The following ADD3 variants were observed in gnomAD, a reference collection of about 807,000 sequenced individuals.
ADD3 encodes the protein adducin 3.
In ADD3, 25 loss-of-function variants were observed where a neutral mutation model predicts 80.2. The observed-to-expected ratio is 0.31, with a 90% confidence interval of 0.23 to 0.44. ADD3 has a LOEUF of 0.44. Ranked by LOEUF, ADD3 falls within the 20% of genes least tolerant of loss-of-function variation. The pLI is 1.00. For missense variants in ADD3, 829 were observed against 847.5 expected, an observed-to-expected ratio of 0.98 and a Z score of 0.27; for synonymous variants, 284 against 289.6, an observed-to-expected ratio of 0.98 and a Z score of 0.20.
chr10:110,051,811 A>G (rs951383920), intron 1 of ADD3, among the ~76,000 whole-genome samples: 3 of 152,130 alleles, frequency 2.0e-5, no homozygotes, highest in Non-Finnish European at 4.4e-5. Flanking sequence ...TTATTTATTT[A>G]CTTATTTTTG....
Position 110,079,457 on chromosome 10 carries a change from AGAGAGTGTGT to A in ADD3, c.-29-21166_-29-21157del, listed in dbSNP as rs1178938755. On this transcript the variant is annotated intron_variant, in intron 1 of 14. Transcript: ENST00000356080. ...GAGAGAGAGAGAGAGAGAGAGAGAG[AGAGAGTGTGT>A]GTGTGTGTGTGTGTGTGTGTGTGTG... 5.8e-3 allele frequency among the ~76,000 whole-genome samples: 703 copies of A among 121,084 alleles called. 6 individuals carry two copies. The highest frequency in any genetic ancestry group is 0.021 in the African/African-American group (560 of 26,226). 79.4% of individuals were successfully genotyped at this position (121,084 alleles called of 152,430 possible).
intron 1 of ADD3, among the ~76,000 whole-genome samples, chr10:110,066,808 T>C (rs1384438339): frequency 6.6e-6 from 1 of 152,240 alleles, no homozygotes; most frequent in East Asian, 1.9e-4. Flanking sequence ...TATAATTGTC[T>C]AGAATTTTTT....
At chr10:110,013,472 G>A (rs1852568017) in intron 1 of ADD3, among the ~76,000 whole-genome samples, 1 of 152,122 alleles carries the variant, frequency 6.6e-6, no homozygotes, top group Non-Finnish European at 1.5e-5. Context: ...AATTTCCATA[G>A]GATAAACATT....
At chr10:110,009,716 T>C (rs1285046314) in intron 1 of ADD3, among the ~76,000 whole-genome samples, 1 of 152,234 alleles carries the variant, frequency 6.6e-6, no homozygotes, top group African/African-American at 2.4e-5. Context: ...ATTTAACTCT[T>C]CATCTTTCTG....
At chr10:110,061,360 T>G (rs1323721830) in intron 1 of ADD3, among the ~76,000 whole-genome samples, 1 of 152,128 alleles carries the variant, frequency 6.6e-6, no homozygotes, top group African/African-American at 2.4e-5. Flanking sequence ...AGTCTTTTTT[T>G]TGGGTGGAGT....
At chr10:110,127,621 A>G (rs892017713) in intron 12 of ADD3, among the ~76,000 whole-genome samples, 1 of 152,246 alleles carries the variant, frequency 6.6e-6, no homozygotes, top group African/African-American at 2.4e-5. Flanking sequence ...GTCTCAAAAA[A>G]TAAGAATAAC....
chr10:110,100,909 T>G, intron 2 of ADD3, 61 bp downstream of exon 2: 2 of 1,455,264 alleles, frequency 1.4e-6, no homozygotes, highest in Non-Finnish European at 1.8e-6. Context: ...TATAATAAGG[T>G]AGAAGTTTTC....
chr10:110,093,660 C>CA (rs1165047275), intron 1 of ADD3, among the ~76,000 whole-genome samples: 1 of 152,154 alleles, frequency 6.6e-6, no homozygotes, highest in East Asian at 1.9e-4. Flanking sequence ...GTTTGGAACT[C>CA]AAAGTTGTGT....
At chr10:110,051,851 G>A (rs928723959) in intron 1 of ADD3, among the ~76,000 whole-genome samples, 6 of 152,202 alleles carry the variant, frequency 3.9e-5, no homozygotes, top group African/African-American at 1.4e-4. Flanking sequence ...TGCCCAGGCT[G>A]AAGTGTAGTG....
At chr10:110,058,233 C>T (rs1858450965) in intron 1 of ADD3, among the ~76,000 whole-genome samples, 1 of 151,946 alleles carries the variant, frequency 6.6e-6, no homozygotes, top group African/African-American at 2.4e-5. Context: ...TCTGTCTCTC[C>T]TTTTTTCAGG....
chr10:110,089,179 A>G (rs1272755860), intron 1 of ADD3, among the ~76,000 whole-genome samples: 2 of 151,950 alleles, frequency 1.3e-5, no homozygotes, highest in Non-Finnish European at 2.9e-5. Flanking sequence ...AATAAAAATA[A>G]AAAAAAAGCT....
intron 10 of ADD3, among the ~76,000 whole-genome samples, chr10:110,125,511 G>A (rs1852036226): frequency 6.6e-6 from 1 of 151,670 alleles, no homozygotes; most frequent in Admixed American, 6.6e-5. Flanking sequence ...CTGAATGTGA[G>A]TGAATGTGAG....
intron 1 of ADD3, among the ~76,000 whole-genome samples, chr10:110,065,539 C>CCTTTTTTTTTTTTTTTTTTTTTTT (rs1843806502): frequency 1.3e-4 from 4 of 31,186 alleles, no homozygotes; most frequent in Non-Finnish European, 2.2e-4. Flanking sequence ...TCTCTCTCCC[C>CCTTTTTTTTTTTTTTTTTTTTTTT]TTTTTTTTTT....
At chr10:110,051,991 A>G (rs1857568493) in intron 1 of ADD3, among the ~76,000 whole-genome samples, 3 of 152,050 alleles carry the variant, frequency 2.0e-5, no homozygotes, top group Non-Finnish European at 4.4e-5. Context: ...TCTAGAGACA[A>G]GGTCTTGCCA....
At chr10:110,050,506 CTTTTTTTT>C (rs59897959) in intron 1 of ADD3, among the ~76,000 whole-genome samples, 18 of 129,436 alleles carry the variant, frequency 1.4e-4, no homozygotes, top group African/African-American at 4.7e-4. Context: ...CATTAAACCT[CTTTTTTTT>C]TTTTTTTTTT....
At chr10:110,086,725 AGC>A (rs1012763669) in intron 1 of ADD3, among the ~76,000 whole-genome samples, 2 of 152,196 alleles carry the variant, frequency 1.3e-5, no homozygotes, top group African/African-American at 4.8e-5. Flanking sequence ...AGGCCTCTCC[AGC>A]CAAGCTTCCT....
At chr10:110,036,671 C>T (rs1439335851) in intron 1 of ADD3, among the ~76,000 whole-genome samples, 1 of 151,872 alleles carries the variant, frequency 6.6e-6, no homozygotes, top group Non-Finnish European at 1.5e-5. Flanking sequence ...CACGCCCAGC[C>T]TTCTTTTTTT....
chr10:110,054,507 T>C (rs1305459689), intron 1 of ADD3, among the ~76,000 whole-genome samples: 1 of 149,568 alleles, frequency 6.7e-6, no homozygotes, highest in African/African-American at 2.5e-5. Flanking sequence ...AATGGCGCGA[T>C]CTCGGCTCAC....
At chr10:110,009,887 TTACA>T (rs1278490665) in intron 1 of ADD3, among the ~76,000 whole-genome samples, 1 of 152,220 alleles carries the variant, frequency 6.6e-6, no homozygotes, top group African/African-American at 2.4e-5. Flanking sequence ...TTGCTACATT[TTACA>T]TATATGATAT....
Sources: allele counts gnomAD v4.1 joint callset (sites outside exome capture counted in the v4.1 genomes callset), GRCh38; gene constraint gnomAD v4.1.1; transcripts MANE v1.5; gene names NCBI Gene and HGNC (gene_info 2026-07-23, HGNC 2026-07-21).